ATAD1: variants seen among roughly 807,000 people sequenced by gnomAD.
ATAD1 encodes the protein ATPase family AAA domain containing 1, also known as outer mitochondrial transmembrane helix translocase.
ATAD1 carries 18 observed loss-of-function variants against 42.7 expected under a neutral mutation model. The ratio of observed to expected loss-of-function variants is 0.42; its 90% CI spans 0.29 to 0.63. ATAD1 has a LOEUF of 0.63. ATAD1 is among the 20% of genes least tolerant of loss of function. The pLI is 0.19. For synonymous variants in ATAD1, 132 were observed against 143.1 expected (o/e 0.92, Z 0.55); for missense variants, 294 against 440.4 (o/e 0.67, Z 2.98).
upstream of ATAD1, chr10:87,818,388 A>G (rs1409247914): frequency 1.0e-5 from 4 of 395,602 alleles, no homozygotes; most frequent in Non-Finnish European, 1.4e-5. Context: ...TACCTGCTAG[A>G]CTGAGACTTT....
At chr10:87,815,699 A>T (rs1236315514) in intron 1 of ATAD1, among the ~76,000 whole-genome samples, 3 of 151,952 alleles carry the variant, frequency 2.0e-5, no homozygotes, top group African/African-American at 7.2e-5. Flanking sequence ...AGCTCCAAAA[A>T]TTTTTTATTT....
At chr10:87,760,401 T>G (rs1197085255) in intron 8 of ATAD1, among the ~76,000 whole-genome samples, 1 of 152,210 alleles carries the variant, frequency 6.6e-6, no homozygotes, top group African/African-American at 2.4e-5. Context: ...TGGTAAGACA[T>G]GCTTGCTTCC....
chr10:87,793,763 T>C (rs1818954856), intron 2 of ATAD1, among the ~76,000 whole-genome samples: 1 of 152,212 alleles, frequency 6.6e-6, no homozygotes, highest in African/African-American at 2.4e-5. Flanking sequence ...GGGACTCTGG[T>C]AAATCATGTT....
At chr10:87,807,313 A>G (rs1257205376) in intron 2 of ATAD1, among the ~76,000 whole-genome samples, 1 of 152,202 alleles carries the variant, frequency 6.6e-6, no homozygotes, top group Non-Finnish European at 1.5e-5. Flanking sequence ...CTATATGCCC[A>G]GAATGAAACT....
At chr10:87,792,300 T>C (rs1856162191) in intron 3 of ATAD1, among the ~76,000 whole-genome samples, 1 of 152,174 alleles carries the variant, frequency 6.6e-6, no homozygotes, top group Non-Finnish European at 1.5e-5. Flanking sequence ...AGGAAAGCTA[T>C]ATAACCAGCC....
At chr10:87,813,390 C>T (rs959107116) in intron 2 of ATAD1, among the ~76,000 whole-genome samples, 8 of 151,242 alleles carry the variant, frequency 5.3e-5, no homozygotes, top group African/African-American at 1.5e-4. Flanking sequence ...GTCAGACTTC[C>T]CAGAGACTTA....
intron 4 of ATAD1, among the ~76,000 whole-genome samples, chr10:87,790,106 A>G (rs1564760777): frequency 1.3e-5 from 2 of 152,236 alleles, no homozygotes; most frequent in Non-Finnish European, 2.9e-5. Flanking sequence ...TTATTTTAAC[A>G]AGTATTTTAA....
chr10:87,806,667 C>T (rs952347259), intron 2 of ATAD1, among the ~76,000 whole-genome samples: 2 of 152,036 alleles, frequency 1.3e-5, no homozygotes, highest in Non-Finnish European at 2.9e-5. Flanking sequence ...CACTTTTCTC[C>T]GCGAATATTA....
rs569371222 is a variant in ATAD1 at position 87,777,597 on chromosome 10, TA to T, written c.584-1171del. Among the ~76,000 whole-genome samples, 512 of 146,324 alleles carry T rather than the reference TA, an allele frequency of 3.5e-3. 3 individuals carry two copies. Among genetic ancestry groups the T allele is most frequent in the African/African-American group, 8.5e-3 (342 of 40,164 alleles). On this transcript the variant is annotated intron_variant, in intron 5 of 9. Transcript: ENST00000680024. ...TGAAAGGTGCTACATCCTAATAATT[TA>T]AAAAAAAAAACAGTAAAAATAAATC... is the stretch of plus-strand genomic sequence containing the variant.
intron 1 of ATAD1, among the ~76,000 whole-genome samples, chr10:87,834,612 T>G (rs1857897382): frequency 1.3e-5 from 2 of 152,172 alleles, no homozygotes; most frequent in Non-Finnish European, 2.9e-5. Flanking sequence ...CCATTGCATT[T>G]GTAGTGATAT....
At chr10:87,791,701 T>C (rs931305902) in intron 3 of ATAD1, among the ~76,000 whole-genome samples, 1 of 152,226 alleles carries the variant, frequency 6.6e-6, no homozygotes, top group African/African-American at 2.4e-5. Context: ...TATAGCAATA[T>C]AACATTAATG....
chr10:87,834,987 A>G (rs1857905257), intron 1 of ATAD1, among the ~76,000 whole-genome samples: 1 of 151,938 alleles, frequency 6.6e-6, no homozygotes, highest in South Asian at 2.1e-4. Context: ...ATTCAGTTCA[A>G]AATATTTTTT....
At chr10:87,794,712 A>G (rs575025309) in intron 2 of ATAD1, among the ~76,000 whole-genome samples, 1 of 152,300 alleles carries the variant, frequency 6.6e-6, no homozygotes, top group East Asian at 1.9e-4. Flanking sequence ...TTTATTCCCT[A>G]TTAGCTAGTT....
At chr10:87,760,648 G>A (rs908821521) in intron 8 of ATAD1, among the ~76,000 whole-genome samples, 1 of 152,146 alleles carries the variant, frequency 6.6e-6, no homozygotes, top group African/African-American at 2.4e-5. Context: ...AGGATCACTT[G>A]AGCCAAGGAG....
At chr10:87,790,465 C>T (rs374553926) in intron 3 of ATAD1, 35 bp from the exon 4 acceptor site, 1 of 1,561,546 alleles carries the variant, frequency 6.4e-7, no homozygotes, top group Non-Finnish European at 8.6e-7. Context: ...AATTTTACTA[C>T]AAATGTACAC....
At chr10:87,799,781 A>G (rs1454494916) in intron 2 of ATAD1, among the ~76,000 whole-genome samples, 1 of 136,146 alleles carries the variant, frequency 7.3e-6, no homozygotes, top group Non-Finnish European at 1.6e-5. Context: ...TTGTAGAAAA[A>G]TATTTTTTTT....
chr10:87,782,913 G>A (rs1013544242), intron 5 of ATAD1, among the ~76,000 whole-genome samples: 1 of 151,738 alleles, frequency 6.6e-6, no homozygotes, highest in East Asian at 1.9e-4. Flanking sequence ...CAGGAGGATC[G>A]CTTGAGCCGG....
chr10:87,804,456 G>A (rs1856835689), intron 2 of ATAD1, among the ~76,000 whole-genome samples: 1 of 147,132 alleles, frequency 6.8e-6, no homozygotes, highest in African/African-American at 2.5e-5. Context: ...TGCAACCTTC[G>A]CCACTAGGGT....
intron 8 of ATAD1, among the ~76,000 whole-genome samples, chr10:87,758,543 T>C (rs115498693): frequency 0.013 from 2,025 of 152,146 alleles, 38 homozygotes; most frequent in Middle Eastern, 0.078. Context: ...GAACCCAAAA[T>C]GTAGCTATTT....
Sources: gnomAD v4.1 joint callset for allele counts (sites outside exome capture counted in the v4.1 genomes callset) on GRCh38, gnomAD v4.1.1 for gene constraint, MANE v1.5 for transcripts, NCBI Gene and HGNC (gene_info 2026-07-23, HGNC 2026-07-21) for gene names.